Variants in SOCS5 observed in about 807,000 individuals in gnomAD.
The protein encoded by SOCS5 is suppressor of cytokine signaling 5, also known as CIS-6.
SOCS5 carries 32 observed loss-of-function variants against 42.8 expected under a neutral mutation model. The ratio of observed to expected loss-of-function variants is 0.75; its 90% CI spans 0.56 to 1.01. The LOEUF is 1.01. Ranked by LOEUF, SOCS5 falls within the 50% of genes least tolerant of loss-of-function variation. The pLI is 0.00. For synonymous variants in SOCS5, 283 were observed against 229.6 expected, an observed-to-expected ratio of 1.23 and a Z score of -2.10; for missense variants, 627 against 653.0, an observed-to-expected ratio of 0.96 and a Z score of 0.43.
At position 46,762,020 on chromosome 2, in the gene SOCS5, T is replaced by C. The variant is rs1299406947; in HGVS notation, c.*1879T>C. 2.4e-5 allele frequency: 4 copies of C among 166,986 alleles called. No individual in the cohort carries two copies. In the Admixed American group the frequency reaches 2.6e-4, roughly 11 times the overall value. The allele number at this position is 166,986 out of a possible 1,614,324, so 10.3% of individuals were successfully genotyped here. A position where few individuals can be genotyped will look rare whatever the true frequency, so the allele number is the denominator to read the frequency against. On this transcript the variant is annotated 3_prime_UTR_variant, in exon 2 of 2. Transcript: ENST00000394861. Reference sequence around the variant, plus strand: ...TGAATTTGTAATAGATCAGTACCATTTATTGGTTTGGGGACCATCTTAATT... The same window carrying C: ...TGAATTTGTAATAGATCAGTACCATCTATTGGTTTGGGGACCATCTTAATT...
At chr2:46,719,841 A>G (rs1396919113) in intron 1 of SOCS5, among the ~76,000 whole-genome samples, 1 of 152,174 alleles carries the variant, frequency 6.6e-6, no homozygotes, top group African/African-American at 2.4e-5. Flanking sequence ...ACCTTAACCT[A>G]AGTGGTCTAG....
intron 1 of SOCS5, among the ~76,000 whole-genome samples, chr2:46,756,208 A>T (rs568141706): frequency 6.6e-6 from 1 of 152,338 alleles, no homozygotes; most frequent in South Asian, 2.1e-4. Context: ...CATGTCAGAG[A>T]AGTATCTTTA....
At chr2:46,731,186 T>G (rs1267442014) in intron 1 of SOCS5, among the ~76,000 whole-genome samples, 2 of 152,132 alleles carry the variant, frequency 1.3e-5, no homozygotes, top group East Asian at 3.8e-4. Context: ...CCAGTGTGAT[T>G]ATATAAGGAG....
At chr2:46,727,917 T>C (rs117993475) in intron 1 of SOCS5, among the ~76,000 whole-genome samples, 1 of 151,690 alleles carries the variant, frequency 6.6e-6, no homozygotes, top group East Asian at 2.0e-4. Flanking sequence ...CATCCAGGGC[T>C]AAGTGGTAGG....
chr2:46,716,367 A>ATTTTTTTTTTTTT (rs35187667), intron 1 of SOCS5, among the ~76,000 whole-genome samples: 1 of 17,044 alleles, frequency 5.9e-5, no homozygotes, highest in Non-Finnish European at 1.2e-4. Flanking sequence ...GAGTGTCTTC[A>ATTTTTTTTTTTTT]TTTTTTTTTT....
chr2:46,731,700 A>AGATGTAT (rs778120869), intron 1 of SOCS5, among the ~76,000 whole-genome samples: 31 of 152,342 alleles, frequency 2.0e-4, no homozygotes, highest in Non-Finnish European at 4.0e-4. Flanking sequence ...TGCTATAATG[A>AGATGTAT]GATGTATACA....
At chr2:46,752,988 GC>G (rs1471257957) in intron 1 of SOCS5, among the ~76,000 whole-genome samples, 1 of 152,132 alleles carries the variant, frequency 6.6e-6, no homozygotes, top group Non-Finnish European at 1.5e-5. Flanking sequence ...CTAGTCAGGT[GC>G]TTGCTTGGAC....
chr2:46,742,810 C>T (rs1309152857), intron 1 of SOCS5, among the ~76,000 whole-genome samples: 2 of 152,060 alleles, frequency 1.3e-5, no homozygotes, highest in African/African-American at 4.8e-5. Flanking sequence ...ACATTACAGG[C>T]ACATACCACT....
chr2:46,759,618 T>C lies in SOCS5; in HGVS notation c.1088T>C (p.Ile363Thr), dbSNP rs1373812661. 6.2e-7 allele frequency: 1 copy of C among 1,613,976 alleles called. No individual in the cohort carries two copies. The highest frequency in any genetic ancestry group is 8.5e-7 in the Non-Finnish European group (1 of 1,179,864). Residue 363 changes from isoleucine (I) to threonine (T), a missense_variant, in exon 2 of 2, where the codon ATT (isoleucine) becomes ACT (threonine). This residue lies in a region of SOCS5 where 340 missense variants were observed against 367.6 expected (regional missense o/e 0.92). Coordinates refer to ENST00000394861, the MANE Select transcript of SOCS5 (RefSeq NM_144949.3). ...RQGAWKVHTQ[I>T]DYIHCLVPDL... ...GGAGCTTGGAAAGTCCACACACAGATTGATTACATACACTGCCTCGTGCCT... is the reference window on the plus strand; with the variant it reads ...GGAGCTTGGAAAGTCCACACACAGACTGATTACATACACTGCCTCGTGCCT...
chr2:46,761,636 G>A lies in SOCS5; in HGVS notation c.*1495G>A, dbSNP rs925023269. The A allele has an allele frequency of 6.0e-6, 1 of 166,860 alleles. No homozygotes were observed. Among genetic ancestry groups the A allele is most frequent in the African/African-American group, 2.4e-5 (1 of 41,414 alleles). 10.3% of individuals were successfully genotyped at this position (166,860 alleles called of 1,614,324 possible). A position where few individuals can be genotyped will look rare whatever the true frequency, so the allele number is the denominator to read the frequency against. On this transcript the variant is annotated 3_prime_UTR_variant, in exon 2 of 2. Coordinates refer to ENST00000394861, the MANE Select transcript of SOCS5 (RefSeq NM_144949.3). ...TGTATATCTGCTGTTTTATACATTT[G>A]CAACAATTTCTCTTGTAAATGGAAT... is the stretch of plus-strand genomic sequence containing the variant.
chr2:46,724,984 TAG>T (rs1672961301), intron 1 of SOCS5, among the ~76,000 whole-genome samples: 1 of 152,094 alleles, frequency 6.6e-6, no homozygotes, highest in African/African-American at 2.4e-5. Flanking sequence ...ACTGTCATTG[TAG>T]ATTTGTCTGT....
At chr2:46,735,893 A>G (rs1241565182) in intron 1 of SOCS5, among the ~76,000 whole-genome samples, 1 of 152,128 alleles carries the variant, frequency 6.6e-6, no homozygotes, top group East Asian at 1.9e-4. Flanking sequence ...CACACAGAAC[A>G]TAGAGTTATT....
At chr2:46,704,055 A>G (rs1463083018) in intron 1 of SOCS5, among the ~76,000 whole-genome samples, 3 of 152,216 alleles carry the variant, frequency 2.0e-5, no homozygotes, top group Non-Finnish European at 2.9e-5. Context: ...TAGCAAGAAT[A>G]TATTTTCACA....
chr2:46,756,690 A>C (rs1673737984), intron 1 of SOCS5, among the ~76,000 whole-genome samples: 1 of 152,250 alleles, frequency 6.6e-6, no homozygotes, highest in Non-Finnish European at 1.5e-5. Flanking sequence ...TAATTTTAAA[A>C]TAAATGAGAA....
intron 1 of SOCS5, among the ~76,000 whole-genome samples, chr2:46,720,443 C>T (rs907433895): frequency 2.0e-5 from 3 of 152,120 alleles, no homozygotes; most frequent in Non-Finnish European, 4.4e-5. Flanking sequence ...ACTGTGAGAT[C>T]TGGCTATTTT....
intron 1 of SOCS5, among the ~76,000 whole-genome samples, chr2:46,706,907 G>A (rs948650175): frequency 4.6e-5 from 7 of 152,180 alleles, no homozygotes; most frequent in Admixed American, 1.3e-4. Context: ...TAAAATATAA[G>A]AAAGTACCAA....
intron 1 of SOCS5, among the ~76,000 whole-genome samples, chr2:46,750,150 T>C (rs112262956): frequency 3.6e-4 from 55 of 152,286 alleles, no homozygotes; most frequent in African/African-American, 1.3e-3. Flanking sequence ...TCCTTTCTGC[T>C]CCTGCCTCCC....
At chr2:46,735,036 C>G (rs575900949) in intron 1 of SOCS5, among the ~76,000 whole-genome samples, 2 of 152,316 alleles carry the variant, frequency 1.3e-5, no homozygotes, top group East Asian at 1.9e-4. Flanking sequence ...TCATTAAAAC[C>G]TAGCTCATGA....
intron 1 of SOCS5, among the ~76,000 whole-genome samples, chr2:46,700,036 C>A (rs1672306781): frequency 6.6e-6 from 1 of 152,046 alleles, no homozygotes; most frequent in African/African-American, 2.4e-5. Context: ...GATGCGGAGG[C>A]GGGAGCTGGA....
Sources: allele counts gnomAD v4.1 joint callset (sites outside exome capture counted in the v4.1 genomes callset), GRCh38; gene constraint gnomAD v4.1.1; regional missense constraint gnomAD v4.1.1; transcripts MANE v1.5; gene names NCBI Gene and HGNC (gene_info 2026-07-23, HGNC 2026-07-21).